CHRNE: variants seen among roughly 807,000 people sequenced by gnomAD.
CHRNE encodes the protein cholinergic receptor nicotinic epsilon subunit.
A neutral mutation model predicts 56.5 loss-of-function variants in CHRNE; 58 were observed. The ratio of observed to expected loss-of-function variants is 1.03; its 90% CI spans 0.83 to 1.28. The LOEUF is 1.28. Among genes scored for constraint, CHRNE ranks in the 50% most tolerant of loss-of-function variants. CHRNE has a pLI of 0.00. For synonymous variants in CHRNE, 385 were observed against 297.9 expected, an observed-to-expected ratio of 1.29 and a Z score of -3.01; for missense variants, 793 against 688.9, an observed-to-expected ratio of 1.15 and a Z score of -1.69.
At chr17:4,900,629 G>A (rs1969949971) in intron 8 of CHRNE, 164 bp downstream of exon 8, 2 of 1,489,698 alleles carry the variant, frequency 1.3e-6, no homozygotes, top group Non-Finnish European at 1.8e-6. Flanking sequence ...CAGCAGTGAG[G>A]AGGACGGCGG....
intron 6 of CHRNE, 64 bp downstream of exon 6, chr17:4,901,461 C>T: frequency 2.0e-6 from 3 of 1,488,338 alleles, no homozygotes; most frequent in Non-Finnish European, 2.8e-6. Context: ...GCAAGCCCAC[C>T]GTGGAAGTCC....
intron 8 of CHRNE, chr17:4,899,942 C>CT (rs1418608638): frequency 6.4e-7 from 1 of 1,550,582 alleles, no homozygotes; most frequent in South Asian, 1.2e-5. Context: ...CCAGGTGGCC[C>CT]TCCAGCCCCC....
rs55806270 is a variant in CHRNE at position 4,898,730 on chromosome 17, T to C, written c.*6A>G. 11,090 of 1,608,722 alleles carry C rather than the reference T, an allele frequency of 6.9e-3. 50 individuals are homozygous for C. The highest frequency in any genetic ancestry group is 8.6e-3 in the Non-Finnish European group (10,156 of 1,177,898). ...GAGATGGGTGGGAAATTGAAGTCGG[T>C]GCGAGCTAAGGCTGGATACACGGCG... On this transcript the variant is annotated 3_prime_UTR_variant, in exon 12 of 12. Coordinates refer to ENST00000649488, the MANE Select transcript of CHRNE (RefSeq NM_000080.4).
intron 8 of CHRNE, 100 bp from the exon 9 acceptor site, chr17:4,899,682 G>A: frequency 6.9e-7 from 1 of 1,452,002 alleles, no homozygotes; most frequent in Non-Finnish European, 9.5e-7. Flanking sequence ...GTACGGGCTG[G>A]TTACGCCCTC....
intron 8 of CHRNE, chr17:4,899,808 C>A: frequency 2.6e-6 from 4 of 1,551,206 alleles, no homozygotes; most frequent in East Asian, 2.4e-5. Flanking sequence ...GTGGATCTAC[C>A]ACTTCCACAG....
intron 8 of CHRNE, 86 bp from the exon 9 acceptor site, chr17:4,899,668 C>T (rs1969891716): frequency 8.3e-6 from 12 of 1,446,872 alleles, no homozygotes; most frequent in Non-Finnish European, 1.1e-5. Context: ...CACGGCTTCT[C>T]CTGGTACGGG....
chr17:4,901,171 G>A lies in CHRNE; in HGVS notation c.621C>T (p.Ile207=), dbSNP rs2151097478. Reference sequence around the variant, plus strand: ...GGCGGATCACCCCCGGGCAGAAGTCGATGGCCCACTCGCCGTTCTCTGCGG... The same window carrying A: ...GGCGGATCACCCCCGGGCAGAAGTCAATGGCCCACTCGCCGTTCTCTGCGG... ...EAYTENGEWA[I]DFCPGVIRRH... Residue 207 remains isoleucine, a synonymous_variant, in exon 7 of 12, where the codon ATC becomes ATT. Transcript: ENST00000649488. 6.8e-6 allele frequency: 11 copies of A among 1,607,062 alleles called. No homozygotes were observed. Among genetic ancestry groups the A allele is most frequent in the East Asian group, 2.2e-5 (1 of 44,842 alleles).
chr17:4,907,407 A>T (rs8081079), upstream of CHRNE, among the ~76,000 whole-genome samples: 35,247 of 146,656 alleles, frequency 0.24, 5,430 homozygotes, highest in African/African-American at 0.45. Flanking sequence ...ACTAAAAATT[A>T]AAAAAAAAAA....
chr17:4,902,808 T>A lies in CHRNE; in HGVS notation c.47-45A>T. 6.2e-7 allele frequency: 1 copy of A among 1,613,704 alleles called. No homozygotes were observed. Among genetic ancestry groups the A allele is most frequent in the South Asian group, 1.1e-5 (1 of 91,076 alleles). ...GAAGGGTCATTGGCAATGAAGAGGC[T>A]GGAGCACCTCTCTCCCCTCTGCCTC... On this transcript the variant is annotated intron_variant, in intron 1 of 11. Transcript: ENST00000649488. This position sits in a 1 kb window ranked among gnomAD's most constrained non-coding sequence, Gnocchi z 4.0.
upstream of CHRNE, among the ~76,000 whole-genome samples, chr17:4,904,286 C>A (rs1970060799): frequency 6.6e-6 from 1 of 152,052 alleles, no homozygotes; most frequent in Admixed American, 6.6e-5. Context: ...GGCTCTCAAA[C>A]TCCTGGGCTA....
In CHRNE at chr17:4,901,643, G is replaced by T. The variant is rs772873394; in HGVS notation, c.501-18C>A. 1 of 1,610,616 alleles carries T rather than the reference G, an allele frequency of 6.2e-7. No individual in the cohort carries two copies. The highest frequency in any genetic ancestry group is 2.2e-5 in the East Asian group (1 of 44,846). On this transcript the variant is annotated intron_variant, in intron 5 of 11. Coordinates refer to ENST00000649488, the MANE Select transcript of CHRNE (RefSeq NM_000080.4). ...TCTGAGAGCTGCGGAGCCAGGGCCGGGAGCCCACCCCAGAAGCTCTGACCT... is the reference window on the plus strand; with the variant it reads ...TCTGAGAGCTGCGGAGCCAGGGCCGTGAGCCCACCCCAGAAGCTCTGACCT...
At chr17:4,906,055 A>T (rs562902380), upstream of CHRNE, among the ~76,000 whole-genome samples, 1 of 151,982 alleles carries the variant, frequency 6.6e-6, no homozygotes, top group African/African-American at 2.4e-5. Flanking sequence ...TCCCCTTTCT[A>T]CTGTGTAGTT....
At chr17:4,900,348 G>C (rs1249939961) in intron 8 of CHRNE, 1 of 1,547,772 alleles carries the variant, frequency 6.5e-7, no homozygotes, top group Non-Finnish European at 8.7e-7. Flanking sequence ...CCAAGCCGCA[G>C]GGCAGGGGGT....
rs1312193885 is a variant in CHRNE, at chr17:4,899,299, G to A, written c.1118C>T (p.Ser373Leu). The A allele has an allele frequency of 1.3e-6, 2 of 1,593,424 alleles. No homozygotes were observed. Among genetic ancestry groups the A allele is most frequent in the Admixed American group, 1.7e-5 (1 of 59,160 alleles). ...CGCGCGGAGCAATAAGCCCACCGAC[G>A]ACGCCCGCCTTGGGGGCGAGGCGGC... ...PRAASPPRRASSVGLLLRAEE... is the reference protein window; with the variant it reads ...PRAASPPRRALSVGLLLRAEE... The change falls in exon 10 of 12, where the codon TCG (serine) becomes TTG (leucine). Residue 373 changes from serine (S) to leucine (L), a missense_variant. Coordinates refer to ENST00000649488, the MANE Select transcript of CHRNE (RefSeq NM_000080.4).
At chr17:4,899,176 G>T in intron 10 of CHRNE, 22 bp downstream of exon 10, 2 of 1,345,720 alleles carry the variant, frequency 1.5e-6, no homozygotes, top group Non-Finnish European at 2.1e-6. Flanking sequence ...GCGGCCCCCC[G>T]GGCCAGGGCC....
At chr17:4,904,843 A>C (rs1970071725), upstream of CHRNE, among the ~76,000 whole-genome samples, 1 of 152,126 alleles carries the variant, frequency 6.6e-6, no homozygotes, top group Non-Finnish European at 1.5e-5. Flanking sequence ...CTCCTAGTCC[A>C]TTTCCCACAC....
Position 4,902,308 on chromosome 17 carries a change from G to A in CHRNE, c.253C>T (p.Leu85Phe). 6.2e-7 allele frequency: 1 copy of A among 1,614,194 alleles called. No homozygotes were observed. The highest frequency in any genetic ancestry group is 8.5e-7 in the Non-Finnish European group (1 of 1,180,044). The change falls in exon 4 of 12, where the codon CTC (leucine) becomes TTC (phenylalanine). Residue 85 changes from leucine to phenylalanine, a missense_variant. Transcript: ENST00000649488. The surrounding 1 kb of genome is among the most constrained non-coding windows in gnomAD (Gnocchi z 4.0). ...WIGIDWQDYRLNYSKDDFGGI... is the reference protein window; with the variant it reads ...WIGIDWQDYRFNYSKDDFGGI... Reference sequence around the variant, plus strand: ...CCAAAGTCGTCCTTGCTGTAGTTGAGTCGGTAATCCTGCCAATCCTAAGGG... The same window carrying A: ...CCAAAGTCGTCCTTGCTGTAGTTGAATCGGTAATCCTGCCAATCCTAAGGG...
rs77481135 is a variant in CHRNE, at chr17:4,903,071, C to T, written c.-8G>A. 10,355 of 1,613,906 alleles carry T rather than the reference C, an allele frequency of 6.4e-3. 552 individuals carry two copies. The African/African-American group carries it at 0.11, about 18-fold the overall frequency. On this transcript the variant is annotated 5_prime_UTR_variant, in exon 1 of 12. Transcript: ENST00000649488. ...AAGCGGAGCCCTTGCCATCCTGCTG[C>T]GTGGTTCTCAGGGTTATTCTGAGCT...
At chr17:4,905,838 G>A (rs969678805), upstream of CHRNE, among the ~76,000 whole-genome samples, 2 of 152,214 alleles carry the variant, frequency 1.3e-5, no homozygotes, top group Non-Finnish European at 2.9e-5. Flanking sequence ...TCCAGCCCGG[G>A]TGACAGAGTG....
Sources: gnomAD v4.1 joint callset for allele counts (sites outside exome capture counted in the v4.1 genomes callset) on GRCh38, gnomAD v4.1.1 for gene constraint, Gnocchi (gnomAD v3.1) non-coding constraint, MANE v1.5 for transcripts, NCBI Gene and HGNC (gene_info 2026-07-23, HGNC 2026-07-21) for gene names.